TRIM26: variants seen among roughly 807,000 people sequenced by gnomAD.
TRIM26 encodes tripartite motif containing 26.
TRIM26 carries 16 observed loss-of-function variants against 45.5 expected under a neutral mutation model. The ratio of observed to expected loss-of-function variants is 0.35; its 90% CI spans 0.24 to 0.53. The LOEUF (loss-of-function observed/expected upper bound fraction) is 0.53, where lower values mean the gene tolerates loss of function less well. TRIM26 is among the 20% of genes least tolerant of loss of function. TRIM26 has a pLI of 0.92. For missense variants in TRIM26, 442 were observed against 691.1 expected (o/e 0.64, Z 4.04); for synonymous variants, 273 against 290.4 (o/e 0.94, Z 0.61).
chr6:30,212,356 G>A (rs891179175), intron 1 of TRIM26, among the ~76,000 whole-genome samples: 2 of 152,110 alleles, frequency 1.3e-5, no homozygotes, highest in South Asian at 2.1e-4. Context: ...AAGTACTGAG[G>A]TAAAAACTAA....
rs568745322 is a variant in TRIM26, at chr6:30,201,155, T to C, written c.-265-17A>G. On this transcript the variant is annotated splice_polypyrimidine_tract_variant and intron_variant, in intron 2 of 9. Transcript: ENST00000454678. Reference sequence around the variant, plus strand: ...TGAAGCAACCTGAATTACAGGCAAATCAATACTATTAATGATTATGTATGG... The same window carrying C: ...TGAAGCAACCTGAATTACAGGCAAACCAATACTATTAATGATTATGTATGG... 5.7e-4 allele frequency: 87 copies of C among 152,252 alleles called. No individual in the cohort carries two copies. The highest frequency in any genetic ancestry group is 2.0e-3 in the African/African-American group (84 of 41,534). 9.4% of individuals were successfully genotyped at this position (152,252 alleles called of 1,614,324 possible). A position where few individuals can be genotyped will look rare whatever the true frequency, so the allele number is the denominator to read the frequency against.
At chr6:30,191,419 AAAAAG>A (rs1329369586) in intron 6 of TRIM26, among the ~76,000 whole-genome samples, 10 of 151,872 alleles carry the variant, frequency 6.6e-5, no homozygotes, top group African/African-American at 9.7e-5. Flanking sequence ...AAAAAAAAAA[AAAAAG>A]AGAGAGAGAG....
rs1393152542 is a variant in TRIM26, at chr6:30,196,963, A to G, written c.535-217T>C. ...TTAGTTCAGTTCACCCCACCACTAT[A>G]TGGTCAAAACCCTGTCTCCACCTGA... is the stretch of plus-strand genomic sequence containing the variant. On this transcript the variant is annotated intron_variant, in intron 5 of 9. Transcript: ENST00000454678. This position sits in a 1 kb window ranked among gnomAD's most constrained non-coding sequence, Gnocchi z 4.9. Among the ~76,000 whole-genome samples the G allele has an allele frequency of 6.6e-6, 1 of 152,018 alleles. No individual in the cohort carries two copies. Among genetic ancestry groups the G allele is most frequent in the Admixed American group, 6.5e-5 (1 of 15,268 alleles).
chr6:30,194,514 A>G (rs1776262177), intron 6 of TRIM26, among the ~76,000 whole-genome samples: 1 of 152,238 alleles, frequency 6.6e-6, no homozygotes, highest in Non-Finnish European at 1.5e-5. Context: ...GGTGACAGAT[A>G]TACTAATTAC....
intron 1 of TRIM26, among the ~76,000 whole-genome samples, chr6:30,212,927 AAAAAAAAAGAAAG>A (rs1457566334): frequency 6.6e-6 from 1 of 151,956 alleles, no homozygotes; most frequent in Admixed American, 6.5e-5. Flanking sequence ...AAAAAAAAAA[AAAAAAAAAGAAAG>A]AGAAAGAAAG....
intron 9 of TRIM26, among the ~76,000 whole-genome samples, chr6:30,188,080 G>A (rs1295329828): frequency 1.3e-5 from 2 of 149,196 alleles, no homozygotes; most frequent in Non-Finnish European, 3.0e-5. Context: ...TTAGCCGGGC[G>A]AGGTGGCGGG....
rs1775673320 is a variant in TRIM26, at chr6:30,190,161, T to C, written c.766-126A>G. 5.9e-6 allele frequency: 6 copies of C among 1,017,176 alleles called. No homozygotes were observed. The highest frequency in any genetic ancestry group is 1.6e-5 in the African/African-American group (1 of 62,232). 63.0% of individuals were successfully genotyped at this position (1,017,176 alleles called of 1,614,324 possible). ...CAAAACAAATGTGGTCCCTTTTTTA[T>C]GGAGCTGACATTCCAGTGGGGTCAC... On this transcript the variant is annotated intron_variant, in intron 6 of 9. Transcript: ENST00000454678. The surrounding 1 kb of genome is among the most constrained non-coding windows in gnomAD (Gnocchi z 4.3).
chr6:30,193,182 A>ATTTTTTTT (rs59857727), intron 6 of TRIM26, among the ~76,000 whole-genome samples: 3 of 38,808 alleles, frequency 7.7e-5, no homozygotes, highest in African/African-American at 3.7e-4. Flanking sequence ...ATATATATAT[A>ATTTTTTTT]TTTTTTTTTT....
At chr6:30,191,637 T>C (rs925586621) in intron 6 of TRIM26, among the ~76,000 whole-genome samples, 2 of 152,106 alleles carry the variant, frequency 1.3e-5, no homozygotes, top group Non-Finnish European at 2.9e-5. Context: ...ATTAACAAAT[T>C]GTGGCTGCTG....
intron 1 of TRIM26, among the ~76,000 whole-genome samples, chr6:30,210,423 T>C (rs949239409): frequency 3.9e-5 from 6 of 152,218 alleles, no homozygotes; most frequent in Admixed American, 1.3e-4. Context: ...AAGGCTTGAA[T>C]ACAATTTGTC....
At chr6:30,197,575 A>C (rs2127507332) in intron 5 of TRIM26, among the ~76,000 whole-genome samples, 1 of 152,312 alleles carries the variant, frequency 6.6e-6, no homozygotes, top group South Asian at 2.1e-4. Flanking sequence ...CCTGTTTTCT[A>C]ACTACAGTTG....
chr6:30,189,595 T>A lies in TRIM26; in HGVS notation c.789-62A>T. 7.4e-7 allele frequency: 1 copy of A among 1,355,206 alleles called. No individual in the cohort carries two copies. The highest frequency in any genetic ancestry group is 1.1e-6 in the Non-Finnish European group (1 of 949,676). The allele number at this position is 1,355,206 out of a possible 1,614,324, so 83.9% of individuals were successfully genotyped here. A position where few individuals can be genotyped will look rare whatever the true frequency, so the allele number is the denominator to read the frequency against. On this transcript the variant is annotated intron_variant, in intron 7 of 9. Coordinates refer to ENST00000454678, the MANE Select transcript of TRIM26 (RefSeq NM_003449.5). This position sits in a 1 kb window ranked among gnomAD's most constrained non-coding sequence, Gnocchi z 5.0. ...CTCTTCTTACTTTCCTTCATACTTA[T>A]CTCTCAATCCTCATGGCAATTATGA... is the stretch of plus-strand genomic sequence containing the variant.
At chr6:30,208,880 A>G (rs1188697346) in intron 1 of TRIM26, among the ~76,000 whole-genome samples, 1 of 140,398 alleles carries the variant, frequency 7.1e-6, no homozygotes, top group African/African-American at 2.6e-5. Flanking sequence ...AATTTTTGCC[A>G]CTCTGGAGGA....
At chr6:30,206,592 T>A (rs1052951847) in intron 1 of TRIM26, among the ~76,000 whole-genome samples, 2 of 152,266 alleles carry the variant, frequency 1.3e-5, no homozygotes, top group Non-Finnish European at 2.9e-5. Context: ...AGCTCTCTTG[T>A]CTAAAATATT....
chr6:30,189,462 G>C lies in TRIM26; in HGVS notation c.860C>G (p.Ser287Ter). The change falls in exon 8 of 10, where the codon TCA becomes TGA. Residue 287 changes from serine (S) to a stop codon, truncating the protein, a stop_gained. Coordinates refer to ENST00000454678, the MANE Select transcript of TRIM26 (RefSeq NM_003449.5). LOFTEE classifies it high-confidence loss of function. This position sits in a 1 kb window ranked among gnomAD's most constrained non-coding sequence, Gnocchi z 5.0. Reference protein sequence around the residue: ...RVVKKKTGEFSDKLLSLQRGL... With the variant: ...RVVKKKTGEF ...TCGTTGCAGAGAGAGGAGTTTATCT[G>C]AGAATTCTCCGGTCTTTTTTTTAAC... The C allele has an allele frequency of 6.2e-7, 1 of 1,613,026 alleles. No individual in the cohort carries two copies. The highest frequency in any genetic ancestry group is 8.5e-7 in the Non-Finnish European group (1 of 1,180,024).
rs139074702 is a variant in TRIM26, at chr6:30,190,004, C to T, written c.788+9G>A. On this transcript the variant is annotated intron_variant, in intron 7 of 9. Transcript: ENST00000454678. This position sits in a 1 kb window ranked among gnomAD's most constrained non-coding sequence, Gnocchi z 4.3. ...GATGAGGTACGCCATGGAGAGGAGA[C>T]TCTTTTACCTGTTTAGGAAGTCTCT... The T allele has an allele frequency of 2.1e-3, 3,310 of 1,612,876 alleles. 13 individuals are homozygous for T. The highest frequency in any genetic ancestry group is 0.012 in the African/African-American group (901 of 75,034).
rs1038871079 is a variant in TRIM26, at chr6:30,188,344, G to C, written c.937+823C>G. 2.2e-5 allele frequency: 10 copies of C among 460,736 alleles called. No individual in the cohort carries two copies. The Admixed American group carries it at 2.4e-4, about 11-fold the overall frequency. 28.5% of individuals were successfully genotyped at this position (460,736 alleles called of 1,614,324 possible). A position where few individuals can be genotyped will look rare whatever the true frequency, so the allele number is the denominator to read the frequency against. ...GGTCTCTGTAAACTGTTCAATTTCAGTTTCAAAACTACCAGCCTGCTCTGT... is the reference window on the plus strand; with the variant it reads ...GGTCTCTGTAAACTGTTCAATTTCACTTTCAAAACTACCAGCCTGCTCTGT... On this transcript the variant is annotated intron_variant, in intron 9 of 9. Coordinates refer to ENST00000454678, the MANE Select transcript of TRIM26 (RefSeq NM_003449.5).
At chr6:30,193,503 G>C (rs1442012790) in intron 6 of TRIM26, among the ~76,000 whole-genome samples, 1 of 151,884 alleles carries the variant, frequency 6.6e-6, no homozygotes, top group Non-Finnish European at 1.5e-5. Flanking sequence ...AAGTAAGATA[G>C]TGTGAGGCCT....
In TRIM26 at chr6:30,198,979, T is replaced by C; in HGVS notation, c.125A>G (p.Asp42Gly). ...GCGGCTCCCTGAGATGGGGCGGACG[T>C]CTGTGGTGCAGCTGCGGCAGAAGAC... Reference protein sequence around the residue: ...GHVFCRSCTTDVRPISGSRPV... With the variant: ...GHVFCRSCTTGVRPISGSRPV... Residue 42 changes from aspartate (D) to glycine (G), a missense_variant, in exon 4 of 10, where the codon GAC becomes GGC. Coordinates refer to ENST00000454678, the MANE Select transcript of TRIM26 (RefSeq NM_003449.5). The surrounding 1 kb of genome is among the most constrained non-coding windows in gnomAD (Gnocchi z 6.3). The C allele has an allele frequency of 6.2e-7, 1 of 1,612,502 alleles. No individual in the cohort carries two copies. The highest frequency in any genetic ancestry group is 1.1e-5 in the South Asian group (1 of 91,046).
Sources: allele counts gnomAD v4.1 joint callset (sites outside exome capture counted in the v4.1 genomes callset), GRCh38; gene constraint gnomAD v4.1.1; non-coding constraint Gnocchi (gnomAD v3.1); transcripts MANE v1.5; gene names NCBI Gene and HGNC (gene_info 2026-07-23, HGNC 2026-07-21).